The following KCNAB1 variants were observed in gnomAD, a reference collection of about 807,000 sequenced individuals.
KCNAB1 encodes the protein potassium voltage-gated channel subfamily A regulatory beta subunit 1.
In KCNAB1, 35 loss-of-function variants were observed where a neutral mutation model predicts 64.6. The ratio of observed to expected loss-of-function variants is 0.54; its 90% CI spans 0.41 to 0.72. KCNAB1 has a LOEUF of 0.72. KCNAB1 is among the 30% of genes least tolerant of loss of function. KCNAB1 has a pLI of 0.00. For synonymous variants in KCNAB1, 177 were observed against 183.8 expected, an observed-to-expected ratio of 0.96 and a Z score of 0.30; for missense variants, 401 against 512.9, an observed-to-expected ratio of 0.78 and a Z score of 2.11.
At chr3:156,476,218 G>A (rs756622994) in intron 8 of KCNAB1, among the ~76,000 whole-genome samples, 3 of 151,974 alleles carry the variant, frequency 2.0e-5, no homozygotes, top group Non-Finnish European at 2.9e-5. Flanking sequence ...TGCTTTAGCG[G>A]TGATTTGTAA....
At chr3:156,511,182 C>T (rs1340101682) in intron 8 of KCNAB1, among the ~76,000 whole-genome samples, 3 of 152,082 alleles carry the variant, frequency 2.0e-5, no homozygotes, top group South Asian at 2.1e-4. Context: ...CGGCTTACTG[C>T]GAGCTCCACC....
At chr3:156,467,723 A>C (rs1469530533) in intron 7 of KCNAB1, among the ~76,000 whole-genome samples, 4 of 152,096 alleles carry the variant, frequency 2.6e-5, no homozygotes, top group South Asian at 2.1e-4. Context: ...GATTATTTTC[A>C]GTTTTTAGCA....
chr3:156,477,329 T>C (rs936969525), intron 8 of KCNAB1, among the ~76,000 whole-genome samples: 2 of 152,154 alleles, frequency 1.3e-5, no homozygotes, highest in South Asian at 2.1e-4. Context: ...AGCTATTTTA[T>C]CCTGAGTCAT....
chr3:156,440,057 A>G (rs2108258859), intron 2 of KCNAB1, among the ~76,000 whole-genome samples: 2 of 152,298 alleles, frequency 1.3e-5, no homozygotes, highest in South Asian at 4.1e-4. Context: ...TCTGCTCATC[A>G]CTTCTCCTCT....
intron 2 of KCNAB1, among the ~76,000 whole-genome samples, chr3:156,434,234 T>C (rs1203683292): frequency 6.6e-6 from 1 of 152,140 alleles, no homozygotes; most frequent in East Asian, 1.9e-4. Flanking sequence ...CCAGATACAT[T>C]TTAGTCAGCT....
intron 1 of KCNAB1, among the ~76,000 whole-genome samples, chr3:156,309,504 G>A (rs1345913277): frequency 6.6e-6 from 1 of 152,168 alleles, no homozygotes. Context: ...ACCATGATAG[G>A]GTTTCTGCAT....
intron 1 of KCNAB1, among the ~76,000 whole-genome samples, chr3:156,148,047 C>T (rs1019270241): frequency 1.3e-5 from 2 of 152,188 alleles, no homozygotes; most frequent in African/African-American, 2.4e-5. Flanking sequence ...GTCTACTTTT[C>T]CAGGCTCCCC....
At chr3:156,233,701 G>T (rs1716672217) in intron 1 of KCNAB1, among the ~76,000 whole-genome samples, 1 of 152,118 alleles carries the variant, frequency 6.6e-6, no homozygotes, top group African/African-American at 2.4e-5. Flanking sequence ...GCCCAGGCAG[G>T]GGAAGTATAG....
At chr3:156,390,614 G>A (rs1014355154) in intron 1 of KCNAB1, among the ~76,000 whole-genome samples, 5 of 150,098 alleles carry the variant, frequency 3.3e-5, no homozygotes, top group Non-Finnish European at 7.4e-5. Flanking sequence ...ACGGAGTCTC[G>A]CTCTGTTGCC....
intron 1 of KCNAB1, among the ~76,000 whole-genome samples, chr3:156,261,237 AT>A (rs1464301573): frequency 6.6e-6 from 1 of 152,002 alleles, no homozygotes; most frequent in African/African-American, 2.4e-5. Flanking sequence ...AAGTAAAATA[AT>A]TTTTATTTTT....
intron 1 of KCNAB1, among the ~76,000 whole-genome samples, chr3:156,352,097 G>A (rs915211941): frequency 4.6e-5 from 7 of 152,180 alleles, no homozygotes; most frequent in Admixed American, 6.5e-5. Context: ...TGAGGCTTGG[G>A]GCAGGGTCTG....
intron 1 of KCNAB1, among the ~76,000 whole-genome samples, chr3:156,232,796 C>T (rs530641246): frequency 2.0e-5 from 3 of 152,096 alleles, no homozygotes; most frequent in African/African-American, 7.2e-5. Context: ...GGTAGTAATA[C>T]AGAAATACTA....
chr3:156,343,786 G>T lies in KCNAB1; in HGVS notation c.276-77830G>T, dbSNP rs995104392. On this transcript the variant is annotated intron_variant, in intron 1 of 13. Coordinates refer to ENST00000490337, the MANE Select transcript of KCNAB1 (RefSeq NM_172160.3). The stretch of plus-strand genomic sequence containing the variant: ...ACTTCTTTATAGTAGCAACCTAATG[G>T]CTAATTTACATAAATATATAAATGA... Among the ~76,000 whole-genome samples, 3 of 152,144 alleles carry T rather than the reference G, an allele frequency of 2.0e-5. No individual in the cohort carries two copies. The East Asian group carries it at 5.8e-4, about 29-fold the overall frequency.
intron 1 of KCNAB1, among the ~76,000 whole-genome samples, chr3:156,261,793 G>T (rs1276792441): frequency 2.6e-5 from 4 of 151,898 alleles, no homozygotes; most frequent in Non-Finnish European, 5.9e-5. Flanking sequence ...TTTTGATAGG[G>T]ATTGTATTGA....
chr3:156,207,078 A>G (rs1048679786), intron 1 of KCNAB1, among the ~76,000 whole-genome samples: 7 of 152,162 alleles, frequency 4.6e-5, no homozygotes, highest in African/African-American at 1.2e-4. Context: ...TGTGCCAATT[A>G]TCTTCTTTCT....
intron 8 of KCNAB1, among the ~76,000 whole-genome samples, chr3:156,485,396 A>G (rs1715130931): frequency 6.6e-6 from 1 of 152,058 alleles, no homozygotes. Flanking sequence ...GTGACATTTC[A>G]TTCATAAATA....
chr3:156,244,935 T>C (rs1441966234), intron 1 of KCNAB1, among the ~76,000 whole-genome samples: 1 of 152,230 alleles, frequency 6.6e-6, no homozygotes, highest in Non-Finnish European at 1.5e-5. Flanking sequence ...TTATCGCCTC[T>C]AGAGAGCATC....
rs74496136 is a variant in KCNAB1 at position 156,287,798 on chromosome 3, T to TAA, written c.276-133804_276-133803dup. ...TGGGTGGCAGAGTGAGACTCCATCT[T>TAA]AAAAAAAAAAAAAAACTCGAAATAC... On this transcript the variant is annotated intron_variant, in intron 1 of 13. Coordinates refer to ENST00000490337, the MANE Select transcript of KCNAB1 (RefSeq NM_172160.3). 2.7e-4 allele frequency among the ~76,000 whole-genome samples: 37 copies of TAA among 138,312 alleles called. No homozygotes were observed. The South Asian group carries it at 3.6e-3, about 14-fold the overall frequency. 90.7% of individuals were successfully genotyped at this position (138,312 alleles called of 152,430 possible). A position where few individuals can be genotyped will look rare whatever the true frequency, so the allele number is the denominator to read the frequency against.
intron 1 of KCNAB1, among the ~76,000 whole-genome samples, chr3:156,182,774 A>G (rs1441943597): frequency 6.7e-6 from 1 of 150,286 alleles, no homozygotes; most frequent in Non-Finnish European, 1.5e-5. Context: ...TCTCGGCTCA[A>G]GGCAACCTCT....
Sources: allele counts gnomAD v4.1 joint callset (sites outside exome capture counted in the v4.1 genomes callset), GRCh38; gene constraint gnomAD v4.1.1; transcripts MANE v1.5; gene names NCBI Gene and HGNC (gene_info 2026-07-23, HGNC 2026-07-21).